Variants in PRDM16 observed in about 807,000 individuals in gnomAD.
PRDM16 encodes histone-lysine N-methyltransferase PRDM16.
A neutral mutation model predicts 110.6 loss-of-function variants in PRDM16; 23 were observed. That is an observed-to-expected ratio of 0.21 (90% CI 0.15 to 0.29). PRDM16 has a LOEUF of 0.29. Ranked by LOEUF, PRDM16 falls within the 10% of genes least tolerant of loss-of-function variation. The probability of loss-of-function intolerance (pLI) is 1.00; values close to 1 mark genes in which losing one functional copy is unlikely to be tolerated. For missense variants in PRDM16, 1,615 were observed against 1,794.3 expected, an observed-to-expected ratio of 0.90 and a Z score of 1.81; for synonymous variants, 799 against 781.8, an observed-to-expected ratio of 1.02 and a Z score of -0.37.
At chr1:3,349,721 T>G (rs1642443431) in intron 3 of PRDM16, among the ~76,000 whole-genome samples, 1 of 152,110 alleles carries the variant, frequency 6.6e-6, no homozygotes, top group African/African-American at 2.4e-5. Flanking sequence ...TCCTGCGCTC[T>G]GGGGGTCTTC....
At chr1:3,398,352 A>C (rs1289008462) in intron 5 of PRDM16, among the ~76,000 whole-genome samples, 1 of 152,204 alleles carries the variant, frequency 6.6e-6, no homozygotes, top group Non-Finnish European at 1.5e-5. Context: ...ATAGCCCAAC[A>C]TCAAATATTT....
intron 3 of PRDM16, among the ~76,000 whole-genome samples, chr1:3,340,316 C>G (rs1642247053): frequency 6.6e-6 from 1 of 152,080 alleles, no homozygotes; most frequent in Non-Finnish European, 1.5e-5. Context: ...GTGGTGGCCT[C>G]TCCCTCCCTT....
At chr1:3,181,552 G>GTCTTACGGTCTTACACACGGTCTTACA (rs755533699) in intron 1 of PRDM16, among the ~76,000 whole-genome samples, 1 of 27,432 alleles carries the variant, frequency 3.6e-5, no homozygotes, top group Non-Finnish European at 7.8e-5. Flanking sequence ...TCTTACACAC[G>GTCTTACGGTCTTACACACGGTCTTACA]CAGTCTTACA....
chr1:3,171,647 G>T (rs1569752871), intron 1 of PRDM16, among the ~76,000 whole-genome samples: 1 of 152,210 alleles, frequency 6.6e-6, no homozygotes, highest in Admixed American at 6.5e-5. Context: ...GCTGGCTCCT[G>T]TCCTGCCCTC....
rs1640035816 is a variant in PRDM16, at chr1:3,255,953, G to A, written c.438+11816G>A. On this transcript the variant is annotated intron_variant, in intron 3 of 16. Coordinates refer to ENST00000270722, the MANE Select transcript of PRDM16 (RefSeq NM_022114.4). The surrounding 1 kb of genome is among the most constrained non-coding windows in gnomAD (Gnocchi z 4.7). ...TCCCGTGGCCACACCAACAGTACAGGGTGGAACGAGCTCCGCCTCTCAGGG... is the reference window on the plus strand; with the variant it reads ...TCCCGTGGCCACACCAACAGTACAGAGTGGAACGAGCTCCGCCTCTCAGGG... Among the ~76,000 whole-genome samples, 1 of 152,192 alleles carries A rather than the reference G, an allele frequency of 6.6e-6. No homozygotes were observed. Among genetic ancestry groups the A allele is most frequent in the Non-Finnish European group, 1.5e-5 (1 of 68,054 alleles).
At chr1:3,235,654 C>G (rs1213241750) in intron 2 of PRDM16, among the ~76,000 whole-genome samples, 1 of 152,152 alleles carries the variant, frequency 6.6e-6, no homozygotes, top group East Asian at 1.9e-4. Context: ...GCAGGGGCTC[C>G]CAGGTGGAGC....
At chr1:3,332,731 C>G (rs1246159314) in intron 3 of PRDM16, among the ~76,000 whole-genome samples, 1 of 152,000 alleles carries the variant, frequency 6.6e-6, no homozygotes, top group Non-Finnish European at 1.5e-5. Context: ...ACTCACTCCC[C>G]ACCGCCCGTC....
In PRDM16 at chr1:3,080,892, A is replaced by G. The variant is rs1642008598; in HGVS notation, c.37+11596A>G. ...ACATGAGTAGCAGAACCCCGGCCCG[A>G]GCACCCAACGCTTCCCGGAGAGCTT... On this transcript the variant is annotated intron_variant, in intron 1 of 16. Coordinates refer to ENST00000270722, the MANE Select transcript of PRDM16 (RefSeq NM_022114.4). This position sits in a 1 kb window ranked among gnomAD's most constrained non-coding sequence, Gnocchi z 5.2. Among the ~76,000 whole-genome samples, 1 of 151,922 alleles carries G rather than the reference A, an allele frequency of 6.6e-6. No homozygotes were observed. The highest frequency in any genetic ancestry group is 6.6e-5 in the Admixed American group (1 of 15,254).
rs752491979 is a variant in PRDM16, at chr1:3,186,135, CGTT to C, written c.51_53del (p.Val18del). The C allele has an allele frequency of 1.2e-6, 2 of 1,612,330 alleles. No homozygotes were observed. Among genetic ancestry groups the C allele is most frequent in the South Asian group, 1.1e-5 (1 of 91,076 alleles). The stretch of plus-strand genomic sequence containing the variant: ...CGTTGTCTCCTTTAGGTGACGGTGA[CGTT>C]GTAAATAATATGTATGAGCCCAACC... On this transcript the variant is annotated inframe_deletion, in exon 2 of 17. Coordinates refer to ENST00000270722, the MANE Select transcript of PRDM16 (RefSeq NM_022114.4).
At chr1:3,228,242 CA>C (rs1639336608) in intron 2 of PRDM16, among the ~76,000 whole-genome samples, 1 of 152,216 alleles carries the variant, frequency 6.6e-6, no homozygotes. Flanking sequence ...GGATGGGATG[CA>C]CTTGCGTTCA....
intron 1 of PRDM16, among the ~76,000 whole-genome samples, chr1:3,119,214 A>G (rs927555833): frequency 1.3e-5 from 2 of 152,180 alleles, no homozygotes; most frequent in African/African-American, 4.8e-5. Context: ...TTTCAGGAGC[A>G]CCCCACCCCG....
chr1:3,127,336 C>G (rs1228557982), intron 1 of PRDM16, among the ~76,000 whole-genome samples: 2 of 152,166 alleles, frequency 1.3e-5, no homozygotes, highest in African/African-American at 4.8e-5. Flanking sequence ...GTTTCTGGAA[C>G]CTTGCTTTTC....
At chr1:3,317,043 G>A (rs1211255371) in intron 3 of PRDM16, among the ~76,000 whole-genome samples, 1 of 152,200 alleles carries the variant, frequency 6.6e-6, no homozygotes, top group African/African-American at 2.4e-5. Flanking sequence ...GCAAGAAGCA[G>A]GGACTCAGTG....
intron 16 of PRDM16, among the ~76,000 whole-genome samples, chr1:3,433,236 G>A (rs1014798834): frequency 6.6e-6 from 1 of 152,246 alleles, no homozygotes; most frequent in African/African-American, 2.4e-5. Context: ...GCATCACTCG[G>A]AGCAGGGGGC....
chr1:3,241,137 A>G (rs1001693293), intron 2 of PRDM16, among the ~76,000 whole-genome samples: 3 of 152,222 alleles, frequency 2.0e-5, no homozygotes, highest in Non-Finnish European at 4.4e-5. Context: ...GAAGGGGCGG[A>G]GTCCGTGGTG....
intron 2 of PRDM16, among the ~76,000 whole-genome samples, chr1:3,204,706 A>C (rs1207305071): frequency 6.6e-6 from 1 of 152,214 alleles, no homozygotes; most frequent in Admixed American, 6.5e-5. Flanking sequence ...ACGTGTGACC[A>C]CGATCGTGTG....
At chr1:3,104,055 T>G (rs1642592223) in intron 1 of PRDM16, among the ~76,000 whole-genome samples, 1 of 152,160 alleles carries the variant, frequency 6.6e-6, no homozygotes, top group Admixed American at 6.6e-5. Context: ...AAGTCACTGC[T>G]CCTTGGCCGG....
intron 3 of PRDM16, among the ~76,000 whole-genome samples, chr1:3,365,898 G>C (rs917672367): frequency 1.3e-5 from 2 of 151,732 alleles, no homozygotes; most frequent in African/African-American, 4.9e-5. Context: ...AGGGATGCAC[G>C]TGCACACACA....
At chr1:3,409,846 G>GTGTATGTGCGTGTGTGT (rs57503175) in intron 8 of PRDM16, among the ~76,000 whole-genome samples, 2,978 of 120,952 alleles carry the variant, frequency 0.025, 66 homozygotes, top group Middle Eastern at 0.061. Context: ...TGTGTGGTGT[G>GTGTATGTGCGTGTGTGT]GGTGTGTGTG....
Sources: gnomAD v4.1 joint callset for allele counts (sites outside exome capture counted in the v4.1 genomes callset) on GRCh38, gnomAD v4.1.1 for gene constraint, Gnocchi (gnomAD v3.1) non-coding constraint, MANE v1.5 for transcripts, NCBI Gene and HGNC (gene_info 2026-07-23, HGNC 2026-07-21) for gene names.